Variants in BMPR1B observed in about 807,000 individuals in gnomAD.
BMPR1B encodes bone morphogenetic protein receptor type 1B, also known as bone morphogenetic protein receptor type-1B.
BMPR1B carries 12 observed loss-of-function variants against 59.1 expected under a neutral mutation model. The ratio of observed to expected loss-of-function variants is 0.20; its 90% CI spans 0.13 to 0.33. The LOEUF (loss-of-function observed/expected upper bound fraction) is 0.33, where lower values mean the gene tolerates loss of function less well. BMPR1B is among the 10% of genes least tolerant of loss of function. The probability of loss-of-function intolerance (pLI) is 1.00; values close to 1 mark genes in which losing one functional copy is unlikely to be tolerated. For synonymous variants in BMPR1B, 237 were observed against 207.3 expected, an observed-to-expected ratio of 1.14 and a Z score of -1.23; for missense variants, 550 against 610.9, an observed-to-expected ratio of 0.90 and a Z score of 1.05.
At chr4:94,915,733 T>C (rs1300575193) in intron 2 of BMPR1B, among the ~76,000 whole-genome samples, 1 of 152,200 alleles carries the variant, frequency 6.6e-6, no homozygotes, top group African/African-American at 2.4e-5. Flanking sequence ...TCACGTTTGG[T>C]CATCCTACCA....
chr4:94,872,479 A>G (rs1726539950), intron 1 of BMPR1B, among the ~76,000 whole-genome samples: 1 of 143,908 alleles, frequency 6.9e-6, no homozygotes, highest in Non-Finnish European at 1.5e-5. Flanking sequence ...AAGTAGAAGT[A>G]TGAATTTTTA....
intron 3 of BMPR1B, among the ~76,000 whole-genome samples, chr4:95,029,564 G>T (rs1206451804): frequency 6.6e-6 from 1 of 152,030 alleles, no homozygotes; most frequent in Non-Finnish European, 1.5e-5. Flanking sequence ...GAATAGTGCC[G>T]CAATAAACAT....
chr4:94,847,488 A>G (rs1389280440), intron 1 of BMPR1B, among the ~76,000 whole-genome samples: 3 of 152,196 alleles, frequency 2.0e-5, no homozygotes, highest in African/African-American at 4.8e-5. Context: ...TTGCACTCCC[A>G]TGTTTATTGC....
chr4:94,924,846 AC>A lies in BMPR1B; in HGVS notation c.-113+48947del, dbSNP rs536977520. 1.1e-3 allele frequency among the ~76,000 whole-genome samples: 170 copies of A among 152,164 alleles called. 1 individual carries two copies. Among genetic ancestry groups the A allele is most frequent in the Admixed American group, 2.2e-3 (34 of 15,268 alleles). On this transcript the variant is annotated intron_variant, in intron 2 of 12. Coordinates refer to ENST00000515059, the MANE Select transcript of BMPR1B (RefSeq NM_001203.3). ...CCTTACCTGAGGCTTATACTACTTA[AC>A]TTTTCAGTGATGTGAGCCAAAAAAT... is the stretch of plus-strand genomic sequence containing the variant.
At chr4:94,771,471 T>G (rs189936095) in intron 1 of BMPR1B, among the ~76,000 whole-genome samples, 30 of 152,178 alleles carry the variant, frequency 2.0e-4, no homozygotes, top group Non-Finnish European at 2.5e-4. Context: ...GAGATGATAA[T>G]TGCATGTGGA....
chr4:95,029,510 G>A (rs1724672978), intron 3 of BMPR1B, among the ~76,000 whole-genome samples: 1 of 152,068 alleles, frequency 6.6e-6, no homozygotes, highest in East Asian at 1.9e-4. Flanking sequence ...TTGGACATTT[G>A]GGTTGGTTCC....
intron 3 of BMPR1B, among the ~76,000 whole-genome samples, chr4:95,056,088 T>C (rs1726908120): frequency 6.6e-6 from 1 of 152,118 alleles, no homozygotes; most frequent in East Asian, 1.9e-4. Flanking sequence ...TAAGAGAAAA[T>C]ATTGACAACT....
chr4:95,145,742 C>T (rs1015341042), intron 10 of BMPR1B, among the ~76,000 whole-genome samples: 10 of 152,198 alleles, frequency 6.6e-5, no homozygotes, highest in African/African-American at 2.4e-4. Flanking sequence ...GAGGATCTGA[C>T]ACTTTACAGT....
chr4:94,989,385 C>T (rs1466431563), intron 2 of BMPR1B, among the ~76,000 whole-genome samples: 1 of 43,130 alleles, frequency 2.3e-5, no homozygotes, highest in Non-Finnish European at 5.4e-5. Context: ...GAGACTCCGT[C>T]TAAAAAAAAA....
chr4:94,795,612 TACC>T (rs1723158144), intron 1 of BMPR1B, among the ~76,000 whole-genome samples: 1 of 151,658 alleles, frequency 6.6e-6, no homozygotes, highest in African/African-American at 2.4e-5. Flanking sequence ...TATAGGTGTG[TACC>T]ACCACATCTG....
At chr4:94,809,239 A>G (rs1365269980) in intron 1 of BMPR1B, among the ~76,000 whole-genome samples, 1 of 152,132 alleles carries the variant, frequency 6.6e-6, no homozygotes, top group East Asian at 1.9e-4. Flanking sequence ...GAGTATTTGA[A>G]TGTAGGTAGA....
At chr4:95,152,547 C>T in intron 11 of BMPR1B, 96 bp from the exon 12 acceptor site, 1 of 1,139,970 alleles carries the variant, frequency 8.8e-7, no homozygotes, top group Non-Finnish European at 1.2e-6. Context: ...GTCTGTAATA[C>T]TGATAGCACT....
At chr4:95,099,313 C>T (rs1169644928) in intron 3 of BMPR1B, among the ~76,000 whole-genome samples, 1 of 152,132 alleles carries the variant, frequency 6.6e-6, no homozygotes, top group African/African-American at 2.4e-5. Context: ...TGACTAATTA[C>T]TTCCTTATAT....
At chr4:95,123,000 C>G (rs1463167015) in intron 6 of BMPR1B, among the ~76,000 whole-genome samples, 1 of 151,936 alleles carries the variant, frequency 6.6e-6, no homozygotes, top group Non-Finnish European at 1.5e-5. Context: ...CAGAAATCAC[C>G]CGTGTAAAAT....
At chr4:94,806,172 C>CA in intron 1 of BMPR1B, among the ~76,000 whole-genome samples, 1 of 152,280 alleles carries the variant, frequency 6.6e-6, no homozygotes, top group South Asian at 2.1e-4. Flanking sequence ...ATACTGTACT[C>CA]ACGGTGTCAA....
At chr4:94,937,707 A>ACACACAC (rs1729366914) in intron 2 of BMPR1B, among the ~76,000 whole-genome samples, 2 of 151,084 alleles carry the variant, frequency 1.3e-5, no homozygotes, top group Admixed American at 1.3e-4. Context: ...TATATGTATA[A>ACACACAC]ACACACACAC....
At chr4:95,121,462 G>A (rs1381322642) in intron 6 of BMPR1B, among the ~76,000 whole-genome samples, 1 of 152,130 alleles carries the variant, frequency 6.6e-6, no homozygotes. Context: ...TTGTTCTTAG[G>A]AAGTACCCTC....
intron 3 of BMPR1B, among the ~76,000 whole-genome samples, chr4:95,060,286 T>C (rs1217778542): frequency 1.3e-5 from 2 of 152,220 alleles, no homozygotes; most frequent in Non-Finnish European, 2.9e-5. Flanking sequence ...TCCCTACAGA[T>C]AGAACCTCTA....
intron 2 of BMPR1B, among the ~76,000 whole-genome samples, chr4:94,980,318 A>G (rs116259222): frequency 1.0e-3 from 158 of 152,316 alleles, no homozygotes; most frequent in African/African-American, 3.4e-3. Flanking sequence ...TCCAAATAGG[A>G]TTACTTATTT....
Sources: gnomAD v4.1 joint callset for allele counts (sites outside exome capture counted in the v4.1 genomes callset) on GRCh38, gnomAD v4.1.1 for gene constraint, MANE v1.5 for transcripts, NCBI Gene and HGNC (gene_info 2026-07-23, HGNC 2026-07-21) for gene names.